ADCY2: variants seen among roughly 807,000 people sequenced by gnomAD.
ADCY2 encodes adenylate cyclase 2.
Under a neutral mutation model 125.2 loss-of-function variants are expected in ADCY2, and 31 were observed. That is an observed-to-expected ratio of 0.25 (90% CI 0.19 to 0.33). ADCY2 has a LOEUF of 0.33. Ranked by LOEUF, ADCY2 falls within the 10% of genes least tolerant of loss-of-function variation. The probability of loss-of-function intolerance (pLI) is 1.00; values close to 1 mark genes in which losing one functional copy is unlikely to be tolerated. For synonymous variants in ADCY2, 512 were observed against 548.4 expected (o/e 0.93, Z 0.93); for missense variants, 904 against 1,418.2 (o/e 0.64, Z 5.82).
chr5:7,562,877 C>T (rs565076452), intron 3 of ADCY2, among the ~76,000 whole-genome samples: 1 of 152,136 alleles, frequency 6.6e-6, no homozygotes. Flanking sequence ...CTAGAACCAC[C>T]TTTGTAGGGC....
intron 2 of ADCY2, among the ~76,000 whole-genome samples, chr5:7,480,875 A>G (rs937077091): frequency 1.3e-5 from 2 of 152,132 alleles, no homozygotes; most frequent in Non-Finnish European, 2.9e-5. Flanking sequence ...TTCTTTATCC[A>G]TTCATCTGCT....
chr5:7,526,828 G>T (rs1279475749), intron 3 of ADCY2, among the ~76,000 whole-genome samples: 1 of 152,110 alleles, frequency 6.6e-6, no homozygotes, highest in Non-Finnish European at 1.5e-5. Context: ...AGACATGCTG[G>T]AATCCCTTAA....
intron 2 of ADCY2, among the ~76,000 whole-genome samples, chr5:7,482,844 T>G (rs1182533039): frequency 6.7e-6 from 1 of 149,554 alleles, no homozygotes; most frequent in Non-Finnish European, 1.5e-5. Context: ...TATTCAGTCA[T>G]AAAGATAATT....
chr5:7,574,859 A>G (rs897637303), intron 3 of ADCY2, among the ~76,000 whole-genome samples: 3 of 152,268 alleles, frequency 2.0e-5, no homozygotes, highest in African/African-American at 4.8e-5. Flanking sequence ...GGCAAAGATT[A>G]GAAAGAATTA....
At chr5:7,652,161 T>A (rs926965699) in intron 4 of ADCY2, among the ~76,000 whole-genome samples, 1 of 152,208 alleles carries the variant, frequency 6.6e-6, no homozygotes, top group African/African-American at 2.4e-5. Context: ...GCAGGAGATA[T>A]GTCAACATTT....
At chr5:7,537,009 A>G (rs942452426) in intron 3 of ADCY2, among the ~76,000 whole-genome samples, 1 of 100,742 alleles carries the variant, frequency 9.9e-6, no homozygotes, top group African/African-American at 2.7e-5. Flanking sequence ...ACAGTTATTT[A>G]CTGTCTTTAA....
intron 2 of ADCY2, among the ~76,000 whole-genome samples, 166 bp downstream of exon 2, chr5:7,414,936 A>G (rs538331146): frequency 1.3e-5 from 2 of 152,330 alleles, no homozygotes; most frequent in African/African-American, 4.8e-5. Flanking sequence ...TCAACAAATT[A>G]TAATTGTATG....
At chr5:7,477,777 T>G (rs1742576737) in intron 2 of ADCY2, among the ~76,000 whole-genome samples, 1 of 152,178 alleles carries the variant, frequency 6.6e-6, no homozygotes, top group South Asian at 2.1e-4. Context: ...TGGGGGAAAT[T>G]AACTGATGTG....
intron 3 of ADCY2, among the ~76,000 whole-genome samples, chr5:7,575,920 A>G (rs1247951844): frequency 6.6e-6 from 1 of 152,174 alleles, no homozygotes; most frequent in Non-Finnish European, 1.5e-5. Flanking sequence ...ATTAAGAAAT[A>G]TTAAGTCTGT....
At chr5:7,566,937 C>T (rs750799530) in intron 3 of ADCY2, among the ~76,000 whole-genome samples, 5 of 152,074 alleles carry the variant, frequency 3.3e-5, no homozygotes, top group Non-Finnish European at 5.9e-5. Flanking sequence ...TCTGTCTTGA[C>T]CAGTTTCAAG....
chr5:7,489,979 G>T (rs1170693705), intron 2 of ADCY2, among the ~76,000 whole-genome samples: 4 of 151,924 alleles, frequency 2.6e-5, no homozygotes, highest in Non-Finnish European at 5.9e-5. Context: ...TGTGCTTTTT[G>T]GTTGAATTTT....
Position 7,434,359 on chromosome 5 carries a change from A to G in ADCY2, c.408+19589A>G, listed in dbSNP as rs554771880. Among the ~76,000 whole-genome samples, 17 of 152,368 alleles carry G rather than the reference A, an allele frequency of 1.1e-4. No individual in the cohort carries two copies. The South Asian group carries it at 3.3e-3, about 30-fold the overall frequency. On this transcript the variant is annotated intron_variant, in intron 2 of 24. Transcript: ENST00000338316. ...AGTGAAAGGAATAAAGTACATCTGC[A>G]TATATCAGAAGTTGTCCCATATTCT...
At chr5:7,554,856 C>T (rs1329818516) in intron 3 of ADCY2, among the ~76,000 whole-genome samples, 1 of 152,084 alleles carries the variant, frequency 6.6e-6, no homozygotes, top group Non-Finnish European at 1.5e-5. Flanking sequence ...GTTAGCTATT[C>T]ATAGAGGTAA....
Position 7,396,989 on chromosome 5 carries a change from A to C in ADCY2, c.210+483A>C, listed in dbSNP as rs191160596. 6.6e-6 allele frequency among the ~76,000 whole-genome samples: 1 copy of C among 152,334 alleles called. No homozygotes were observed. Among genetic ancestry groups the C allele is most frequent in the African/African-American group, 2.4e-5 (1 of 41,582 alleles). The stretch of plus-strand genomic sequence containing the variant: ...AACTCTGCAGAAAGCCTGCCTTGGG[A>C]AAGTGGTTAATGACAAGGAAAATGA... On this transcript the variant is annotated intron_variant, in intron 1 of 24. Transcript: ENST00000338316. This position sits in a 1 kb window ranked among gnomAD's most constrained non-coding sequence, Gnocchi z 5.7.
chr5:7,499,679 A>ATATG (rs1173523199), intron 2 of ADCY2, among the ~76,000 whole-genome samples: 1 of 135,034 alleles, frequency 7.4e-6, no homozygotes. Flanking sequence ...ATATATATAT[A>ATATG]TATGTATATA....
At chr5:7,656,143 C>A (rs529389963) in intron 4 of ADCY2, among the ~76,000 whole-genome samples, 6 of 151,984 alleles carry the variant, frequency 3.9e-5, no homozygotes, top group African/African-American at 1.4e-4. Context: ...CAACCTCCAC[C>A]TCCCGGGTTC....
At chr5:7,734,985 T>C (rs1742205410) in intron 14 of ADCY2, among the ~76,000 whole-genome samples, 2 of 152,192 alleles carry the variant, frequency 1.3e-5, no homozygotes, top group South Asian at 4.1e-4. Context: ...CTAATGCCAT[T>C]CATGAGGTCT....
chr5:7,482,653 C>T (rs562710132), intron 2 of ADCY2, among the ~76,000 whole-genome samples: 1 of 151,750 alleles, frequency 6.6e-6, no homozygotes, highest in East Asian at 1.9e-4. Context: ...GAAAAGAAAT[C>T]CTTATATCAA....
At chr5:7,598,566 A>G (rs529169719) in intron 3 of ADCY2, among the ~76,000 whole-genome samples, 1 of 152,140 alleles carries the variant, frequency 6.6e-6, no homozygotes, top group Non-Finnish European at 1.5e-5. Context: ...CTTGGTCTTC[A>G]TTATACATAG....
Sources: allele counts gnomAD v4.1 joint callset (sites outside exome capture counted in the v4.1 genomes callset), GRCh38; gene constraint gnomAD v4.1.1; non-coding constraint Gnocchi (gnomAD v3.1); transcripts MANE v1.5; gene names NCBI Gene and HGNC (gene_info 2026-07-23, HGNC 2026-07-21).